Variants in SIRT4 observed in about 807,000 individuals in gnomAD.
SIRT4 encodes sirtuin 4, also known as NAD-dependent protein lipoamidase sirtuin-4, mitochondrial.
In SIRT4, 23 loss-of-function variants were observed where a neutral mutation model predicts 26.1. The ratio of observed to expected loss-of-function variants is 0.88; its 90% confidence interval spans 0.63 to 1.25. SIRT4 has a LOEUF of 1.25. Ranked by LOEUF, SIRT4 falls within the 50% of genes most tolerant of loss-of-function variation. The pLI, the probability that SIRT4 is intolerant of heterozygous loss-of-function variation, is 0.00. For missense variants in SIRT4, 361 were observed against 405.4 expected (o/e 0.89, Z 0.94); for synonymous variants, 155 against 158.4 (o/e 0.98, Z 0.16).
the SIRT4 span, among the ~76,000 whole-genome samples, chr12:120,294,395 G>A: frequency 5.3e-5 from 8 of 151,682 alleles, no homozygotes; most frequent in East Asian, 1.4e-3. Context: ...AGGTTCAAGC[G>A]ATTCTCCTGC....
At chr12:120,311,500 G>A (rs1465665651) in intron 2 of SIRT4, among the ~76,000 whole-genome samples, 1 of 151,840 alleles carries the variant, frequency 6.6e-6, no homozygotes, top group Non-Finnish European at 1.5e-5. Context: ...GGGAGGCCAA[G>A]GCAGGCGGAT....
At chr12:120,293,992 G>A in the SIRT4 span, among the ~76,000 whole-genome samples, 31 of 95,860 alleles carry the variant, frequency 3.2e-4, no homozygotes, top group Middle Eastern at 0.027. Flanking sequence ...ATATTTCACT[G>A]TATGAGATGT....
chr12:120,302,721 T>C (rs1220157560), intron 1 of SIRT4, among the ~76,000 whole-genome samples: 1 of 136,014 alleles, frequency 7.4e-6, no homozygotes, highest in Admixed American at 7.2e-5. Context: ...TTTCTTTTTC[T>C]TTTTTTTTTT....
chr12:120,303,126 A>G (rs1397298408), intron 1 of SIRT4, among the ~76,000 whole-genome samples: 2 of 152,006 alleles, frequency 1.3e-5, no homozygotes, highest in East Asian at 1.9e-4. Context: ...TAAGGGGGAA[A>G]TGAAAAAATA....
intron 2 of SIRT4, among the ~76,000 whole-genome samples, chr12:120,310,817 G>A (rs1872930528): frequency 6.6e-6 from 1 of 150,864 alleles, no homozygotes; most frequent in Non-Finnish European, 1.5e-5. Flanking sequence ...CTCACTGCAA[G>A]CTCCGCCTCC....
chr12:120,300,160 T>C (rs1320270895), upstream of SIRT4, among the ~76,000 whole-genome samples: 1 of 151,806 alleles, frequency 6.6e-6, no homozygotes, highest in South Asian at 2.1e-4. Context: ...GGCGTGGTGG[T>C]GGATGCCTGT....
upstream of SIRT4, among the ~76,000 whole-genome samples, chr12:120,302,080 G>GA (rs928348458): frequency 6.5e-5 from 9 of 138,612 alleles, no homozygotes; most frequent in East Asian, 2.1e-4. Flanking sequence ...AAAGAAAAAA[G>GA]AAAAAAAATC....
Position 120,306,785 on chromosome 12 carries a change from AGAGT to A in SIRT4, c.497+2731_497+2734del, listed in dbSNP as rs551033254. Among the ~76,000 whole-genome samples, 76 of 152,316 alleles carry A rather than the reference AGAGT, an allele frequency of 5.0e-4. 1 individual carries two copies. The highest frequency in any genetic ancestry group is 1.7e-3 in the African/African-American group (71 of 41,562). On this transcript the variant is annotated intron_variant, in intron 2 of 3. Coordinates refer to ENST00000202967, the MANE Select transcript of SIRT4 (RefSeq NM_012240.3). Reference sequence around the variant, plus strand: ...GCCACTGCACTCCAGCCTGGACAACAGAGTGAGACTCTATCTCAATAAAAAAACA... The same window carrying A: ...GCCACTGCACTCCAGCCTGGACAACAGAGACTCTATCTCAATAAAAAAACA...
intron 2 of SIRT4, among the ~76,000 whole-genome samples, chr12:120,305,905 G>A (rs752268964): frequency 3.3e-5 from 5 of 151,898 alleles, no homozygotes; most frequent in African/African-American, 9.7e-5. Context: ...CCAGCTACTC[G>A]GGAGGCTGAG....
chr12:120,293,775 T>G, the SIRT4 span, among the ~76,000 whole-genome samples: 90 of 152,226 alleles, frequency 5.9e-4, no homozygotes, highest in African/African-American at 2.1e-3. Context: ...ATTAAACCCT[T>G]ACTCCCTGTT....
At chr12:120,301,131 G>A (rs1363081209), upstream of SIRT4, among the ~76,000 whole-genome samples, 1 of 152,152 alleles carries the variant, frequency 6.6e-6, no homozygotes, top group Non-Finnish European at 1.5e-5. Flanking sequence ...CAGATCACGA[G>A]GTCAGGAGAT....
chr12:120,310,211 CAAAAATT>C (rs1426695077), intron 2 of SIRT4, among the ~76,000 whole-genome samples: 2 of 151,786 alleles, frequency 1.3e-5, no homozygotes, highest in Non-Finnish European at 2.9e-5. Flanking sequence ...GGGCAGATCA[CAAAAATT>C]AGCTGGGCGT....
the SIRT4 span, among the ~76,000 whole-genome samples, chr12:120,294,424 T>A: frequency 1.3e-5 from 2 of 151,988 alleles, no homozygotes; most frequent in African/African-American, 4.8e-5. Flanking sequence ...CCCGAGGAGC[T>A]GGGATTATTT....
At chr12:120,292,890 G>C in the SIRT4 span, among the ~76,000 whole-genome samples, 2 of 152,196 alleles carry the variant, frequency 1.3e-5, no homozygotes, top group East Asian at 1.9e-4. Flanking sequence ...CTTAAAAGTA[G>C]AGATCACAAA....
chr12:120,300,106 G>A (rs575721516), upstream of SIRT4, among the ~76,000 whole-genome samples: 2 of 152,156 alleles, frequency 1.3e-5, no homozygotes, highest in South Asian at 4.2e-4. Flanking sequence ...GCAACATAGT[G>A]AGACCGTGTC....
chr12:120,293,503 A>T, the SIRT4 span, among the ~76,000 whole-genome samples: 1 of 152,214 alleles, frequency 6.6e-6, no homozygotes, highest in East Asian at 1.9e-4. Flanking sequence ...TTTGAGAGAA[A>T]AGGGATCAAA....
intron 1 of SIRT4, 61 bp from the exon 2 acceptor site, chr12:120,303,500 C>G: frequency 6.6e-7 from 1 of 1,513,718 alleles, no homozygotes. Flanking sequence ...AACAAACAAA[C>G]AAAAAATGAG....
upstream of SIRT4, among the ~76,000 whole-genome samples, chr12:120,300,600 C>A (rs1872508640): frequency 1.3e-5 from 2 of 152,104 alleles, no homozygotes. Flanking sequence ...GCACACACCA[C>A]CACACCCCGC....
At chr12:120,295,981 G>C in the SIRT4 span, among the ~76,000 whole-genome samples, 2 of 150,916 alleles carry the variant, frequency 1.3e-5, no homozygotes, top group African/African-American at 2.4e-5. Context: ...CAGCTACTAG[G>C]GGGGCTGAGG....
Sources: allele counts gnomAD v4.1 joint callset (sites outside exome capture counted in the v4.1 genomes callset), GRCh38; gene constraint gnomAD v4.1.1; transcripts MANE v1.5; gene names NCBI Gene and HGNC (gene_info 2026-07-23, HGNC 2026-07-21).